ZSCAN32: variants seen among roughly 807,000 people sequenced by gnomAD.
ZSCAN32 encodes the protein zinc finger and SCAN domain-containing protein 32.
Under a neutral mutation model 47.4 loss-of-function variants are expected in ZSCAN32, and 52 were observed. The ratio of observed to expected loss-of-function variants is 1.10; its 90% CI spans 0.88 to 1.38. The LOEUF (loss-of-function observed/expected upper bound fraction) is 1.38. ZSCAN32 is among the 40% of genes most tolerant of loss of function. The pLI, the probability that ZSCAN32 is intolerant of heterozygous loss-of-function variation, is 0.00. For synonymous variants in ZSCAN32, 346 were observed against 305.7 expected, an observed-to-expected ratio of 1.13 and a Z score of -1.38; for missense variants, 959 against 846.0, an observed-to-expected ratio of 1.13 and a Z score of -1.66.
Position 3,400,651 on chromosome 16 carries a change from C to A in ZSCAN32, c.-188+294G>T, listed in dbSNP as rs528364197. 2.6e-5 allele frequency among the ~76,000 whole-genome samples: 4 copies of A among 152,304 alleles called. No homozygotes were observed. In the East Asian group the frequency reaches 7.7e-4, roughly 29 times the overall value. Reference sequence around the variant, plus strand: ...GAACGCACTCGGTGCCAGGGCTAGGCACTGTGGATGAGTAGGGAGTGGGCG... The same window carrying A: ...GAACGCACTCGGTGCCAGGGCTAGGAACTGTGGATGAGTAGGGAGTGGGCG... On this transcript the variant is annotated intron_variant, in intron 1 of 6. Transcript: ENST00000396852.
chr16:3,392,181 A>G (rs147498622), intron 3 of ZSCAN32, among the ~76,000 whole-genome samples: 3 of 152,232 alleles, frequency 2.0e-5, no homozygotes, highest in Admixed American at 2.0e-4. Context: ...AATGTCCACA[A>G]CAGGTAAATC....
chr16:3,390,608 T>C (rs527368311), intron 3 of ZSCAN32, 91 bp from the exon 4 acceptor site: 18 of 1,018,314 alleles, frequency 1.8e-5, no homozygotes, highest in Non-Finnish European at 2.4e-5. Context: ...GCCAGCCGCA[T>C]CAGCAGCCCC....
intron 3 of ZSCAN32, 130 bp from the exon 4 acceptor site, chr16:3,390,647 G>A (rs1204137498): frequency 1.4e-6 from 1 of 701,652 alleles, no homozygotes; most frequent in Non-Finnish European, 2.3e-6. Flanking sequence ...ACAAATTCTG[G>A]GGCCCCACCT....
intron 6 of ZSCAN32, 149 bp downstream of exon 6, chr16:3,384,310 A>T: frequency 8.9e-7 from 1 of 1,122,860 alleles, no homozygotes; most frequent in Non-Finnish European, 1.3e-6. Flanking sequence ...AATAACCTTT[A>T]ACTCCATGAA....
intron 5 of ZSCAN32, among the ~76,000 whole-genome samples, chr16:3,387,514 C>T (rs1419632580): frequency 6.6e-6 from 1 of 152,234 alleles, no homozygotes; most frequent in African/African-American, 2.4e-5. Context: ...ACACCTGCTG[C>T]CCATCTGGGC....
rs1243319412 is a variant in ZSCAN32, at chr16:3,400,960, G to A, written c.-203C>T. 2.0e-5 allele frequency: 3 copies of A among 152,562 alleles called. No individual in the cohort carries two copies. Among genetic ancestry groups the A allele is most frequent in the South Asian group, 2.1e-4 (1 of 4,836 alleles). 9.5% of individuals were successfully genotyped at this position (152,562 alleles called of 1,614,324 possible). A position where few individuals can be genotyped will look rare whatever the true frequency, so the allele number is the denominator to read the frequency against. ...GAGAACTCACCGGACACCAGCACTC[G>A]CGACTCCACAAACTCCCTCAGCCTC... On this transcript the variant is annotated 5_prime_UTR_variant, in exon 1 of 7. Transcript: ENST00000396852.
chr16:3,397,728 T>A lies in ZSCAN32; in HGVS notation c.-171A>T. Reference sequence around the variant, plus strand: ...GAGACTCACAGCGGAAAAAAAGGGCTCAACTTTGAAGGATGTCTGAAGAGG... The same window carrying A: ...GAGACTCACAGCGGAAAAAAAGGGCACAACTTTGAAGGATGTCTGAAGAGG... On this transcript the variant is annotated 5_prime_UTR_variant, in exon 2 of 7. Transcript: ENST00000396852. 1.2e-6 allele frequency: 1 copy of A among 807,560 alleles called. No homozygotes were observed. The highest frequency in any genetic ancestry group is 1.9e-6 in the Non-Finnish European group (1 of 539,354). 50.0% of individuals were successfully genotyped at this position (807,560 alleles called of 1,614,324 possible).
intron 2 of ZSCAN32, among the ~76,000 whole-genome samples, chr16:3,395,113 G>A (rs192162776): frequency 3.9e-4 from 60 of 152,276 alleles, no homozygotes; most frequent in African/African-American, 1.4e-3. Context: ...CAATATCAAC[G>A]GTCACTGAAA....
rs953962512 is a variant in ZSCAN32, at chr16:3,390,512, G to A, written c.538C>T (p.Leu180Phe). 1.2e-5 allele frequency: 19 copies of A among 1,548,642 alleles called. No homozygotes were observed. The highest frequency in any genetic ancestry group is 1.7e-5 in the Non-Finnish European group (19 of 1,146,830). The change falls in exon 4 of 7, where the codon CTT becomes TTT. Residue 180 changes from leucine to phenylalanine, a missense_variant. Physicochemically the swap from Leu to Phe is conservative, Grantham distance 22. Coordinates refer to ENST00000396852, the MANE Select transcript of ZSCAN32 (RefSeq NM_001284527.2). ...QRPGEQSEAWLAPQAPRNLPQ... is the reference protein window; with the variant it reads ...QRPGEQSEAWFAPQAPRNLPQ... Reference sequence around the variant, plus strand: ...AGGTTCCTGGGAGCCTGAGGAGCAAGCCAGGCTGGGGGAAAAAACAGCCGC... The same window carrying A: ...AGGTTCCTGGGAGCCTGAGGAGCAAACCAGGCTGGGGGAAAAAACAGCCGC...
chr16:3,382,292 C>A lies in ZSCAN32; in HGVS notation c.*560G>T, dbSNP rs946408633. Reference sequence around the variant, plus strand: ...TTGTGCTTGCTCTAAGGTTAAGTCACTTAGGGAAACAGATTCAGTATTATC... The same window carrying A: ...TTGTGCTTGCTCTAAGGTTAAGTCAATTAGGGAAACAGATTCAGTATTATC... On this transcript the variant is annotated 3_prime_UTR_variant, in exon 7 of 7. Coordinates refer to ENST00000396852, the MANE Select transcript of ZSCAN32 (RefSeq NM_001284527.2). 1 of 152,176 alleles carries A rather than the reference C, an allele frequency of 6.6e-6. No individual in the cohort carries two copies. The highest frequency in any genetic ancestry group is 2.4e-5 in the African/African-American group (1 of 41,430). The allele number at this position is 152,176 out of a possible 1,614,324, so 9.4% of individuals were successfully genotyped here.
chr16:3,393,525 G>T, intron 3 of ZSCAN32, 124 bp downstream of exon 3: 1 of 981,102 alleles, frequency 1.0e-6, no homozygotes, highest in Non-Finnish European at 1.4e-6. Context: ...ACGCCCTGCC[G>T]GTTTTTGGAT....
Position 3,397,197 on chromosome 16 carries a change from G to C in ZSCAN32, c.361C>G (p.Gln121Glu). Reference protein sequence around the residue: ...LVEDVQRAPGQQVLDSEKDLK... With the variant: ...LVEDVQRAPGEQVLDSEKDLK... ...TTCCGACTTCCTTTTCTCACCTGTT[G>C]TCCAGGAGCTCTCTGTACATCCTCA... The change falls in exon 2 of 7, where the codon CAA becomes GAA. Residue 121 changes from glutamine to glutamate, a missense_variant. Gln to Glu is a conservative substitution (Grantham distance 29). Transcript: ENST00000396852. The C allele has an allele frequency of 6.6e-7, 1 of 1,523,104 alleles. No individual in the cohort carries two copies. The highest frequency in any genetic ancestry group is 1.4e-5 in the African/African-American group (1 of 71,710). 94.3% of individuals were successfully genotyped at this position (1,523,104 alleles called of 1,614,324 possible).
At chr16:3,390,659 A>C (rs1266664033) in intron 3 of ZSCAN32, 142 bp from the exon 4 acceptor site, 2 of 620,640 alleles carry the variant, frequency 3.2e-6, no homozygotes, top group Non-Finnish European at 2.8e-6. Context: ...GCCCCACCTC[A>C]GATCTTCTGA....
At chr16:3,397,863 A>G (rs1181725220) in intron 1 of ZSCAN32, 119 bp from the exon 2 acceptor site, 4 of 264,774 alleles carry the variant, frequency 1.5e-5, no homozygotes, top group East Asian at 9.1e-5. Context: ...AAGGATCCAA[A>G]ACACTAGAAA....
rs745764380 is a variant in ZSCAN32 at position 3,397,417 on chromosome 16, C to T, written c.141G>A (p.Glu47=). Residue 47 remains glutamate (E), a synonymous_variant, in exon 2 of 7, where the codon GAG becomes GAA. Coordinates refer to ENST00000396852, the MANE Select transcript of ZSCAN32 (RefSeq NM_001284527.2). ...TAAAAGCTTCATGTGGGCCAGTTACCTCCTGGTAGCAAAACTGCCTGAAGC... is the reference window on the plus strand; with the variant it reads ...TAAAAGCTTCATGTGGGCCAGTTACTTCCTGGTAGCAAAACTGCCTGAAGC... ...RQRFRQFCYQ[E]VTGPHEAFSK... 36 of 1,552,034 alleles carry T rather than the reference C, an allele frequency of 2.3e-5. No homozygotes were observed. The African/African-American group carries it at 4.1e-4, about 18-fold the overall frequency.
intron 1 of ZSCAN32, 73 bp downstream of exon 1, chr16:3,400,872 C>A (rs1159653144): frequency 2.0e-5 from 3 of 152,260 alleles, no homozygotes; most frequent in Admixed American, 1.3e-4. Context: ...AGACTCCCAG[C>A]GGGGAGGGGC....
intron 6 of ZSCAN32, 113 bp from the exon 7 acceptor site, chr16:3,383,824 T>G: frequency 9.0e-7 from 1 of 1,114,166 alleles, no homozygotes; most frequent in Non-Finnish European, 1.2e-6. Context: ...ATTCTTCATG[T>G]GATTAAGTCT....
At chr16:3,389,895 T>C (rs995775975) in intron 5 of ZSCAN32, 115 bp downstream of exon 5, 17 of 1,102,524 alleles carry the variant, frequency 1.5e-5, no homozygotes, top group Non-Finnish European at 1.9e-5. Flanking sequence ...CTTCCTCCTT[T>C]CCCTCCACCC....
rs2033497798 is a variant in ZSCAN32 at position 3,397,584 on chromosome 16, G to A, written c.-27C>T. ...TGCTTCAACGAACTGGCTTACTCTG[G>A]TTGCCACTTCTACCCTGGAGATCAG... On this transcript the variant is annotated 5_prime_UTR_variant, in exon 2 of 7. Transcript: ENST00000396852. 2.0e-6 allele frequency: 3 copies of A among 1,495,138 alleles called. No individual in the cohort carries two copies. The South Asian group carries it at 4.0e-5, about 20-fold the overall frequency. The allele number at this position is 1,495,138 out of a possible 1,614,324, so 92.6% of individuals were successfully genotyped here. A position where few individuals can be genotyped will look rare whatever the true frequency, so the allele number is the denominator to read the frequency against.
Sources: gnomAD v4.1 joint callset for allele counts (sites outside exome capture counted in the v4.1 genomes callset) on GRCh38, gnomAD v4.1.1 for gene constraint, MANE v1.5 for transcripts, NCBI Gene and HGNC (gene_info 2026-07-23, HGNC 2026-07-21) for gene names.